NUS1: variants seen among roughly 807,000 people sequenced by gnomAD.
NUS1 encodes NUS1 dehydrodolichyl diphosphate synthase subunit.
For missense variants in NUS1, 292 were observed against 382.9 expected, an observed-to-expected ratio of 0.76 and a Z score of 1.98; for synonymous variants, 135 against 155.2, an observed-to-expected ratio of 0.87 and a Z score of 0.97.
intron 1 of NUS1, among the ~76,000 whole-genome samples, chr6:117,676,481 G>A (rs1015061061): frequency 3.9e-5 from 6 of 152,228 alleles, no homozygotes; most frequent in African/African-American, 1.4e-4. Context: ...GGGAGGCTGA[G>A]GCAGGAGAAT....
In NUS1 at chr6:117,694,084, G is replaced by T; in HGVS notation, c.595G>T (p.Asp199Tyr). The change falls in exon 3 of 5, where the codon GAT (aspartate) becomes TAT (tyrosine). Residue 199 changes from aspartate (D) to tyrosine (Y), a missense_variant. Asp to Tyr is a radical substitution (Grantham distance 160, BLOSUM62 -3). Transcript: ENST00000368494. ...GCTGTCTCCGGAAGATGGAAAAGCA[G>T]ATATTGTAAGAGCTGCTCAGGACTT... The part of the protein sequence containing the change: ...KVLSPEDGKA[D>Y]IVRAAQDFCQ... 1.2e-6 allele frequency: 2 copies of T among 1,612,680 alleles called. No homozygotes were observed. The highest frequency in any genetic ancestry group is 8.5e-7 in the Non-Finnish European group (1 of 1,179,320).
Position 117,688,463 on chromosome 6 carries a change from A to T in NUS1, c.416-4579A>T, listed in dbSNP as rs541162561. Among the ~76,000 whole-genome samples the T allele has an allele frequency of 3.1e-3, 470 of 149,764 alleles. 2 individuals carry two copies. The highest frequency in any genetic ancestry group is 0.011 in the African/African-American group (434 of 40,810). On this transcript the variant is annotated intron_variant, in intron 1 of 4. Transcript: ENST00000368494. ...AAGAAGGAGGACTTTTTTTTTTTTT[A>T]AATTATAAACCACTTTATAGCAATT...
At chr6:117,698,419 G>C (rs1253052814) in intron 3 of NUS1, among the ~76,000 whole-genome samples, 2 of 151,972 alleles carry the variant, frequency 1.3e-5, no homozygotes, top group African/African-American at 2.4e-5. Context: ...GGAAAATCTA[G>C]AAGAAATAGA....
intron 1 of NUS1, among the ~76,000 whole-genome samples, chr6:117,684,892 TAAAA>T (rs1048130094): frequency 6.6e-6 from 1 of 152,092 alleles, no homozygotes; most frequent in African/African-American, 2.4e-5. Flanking sequence ...ATTACACAAG[TAAAA>T]AAAGCAGGAT....
At position 117,703,762 on chromosome 6, in the gene NUS1, A is replaced by C. The variant is rs1773461954; in HGVS notation, c.791+58A>C. The C allele has an allele frequency of 5.9e-5, 67 of 1,142,468 alleles. 4 individuals are homozygous for C. In the South Asian group the frequency reaches 8.2e-4, roughly 14 times the overall value. The allele number at this position is 1,142,468 out of a possible 1,614,324, so 70.8% of individuals were successfully genotyped here. ...GATTCAGCAAGTGTTTCTTGAGTTCAGCACTGTACTAGATCTGGTGGGGAT... is the reference window on the plus strand; with the variant it reads ...GATTCAGCAAGTGTTTCTTGAGTTCCGCACTGTACTAGATCTGGTGGGGAT... On this transcript the variant is annotated intron_variant, in intron 4 of 4. Coordinates refer to ENST00000368494, the MANE Select transcript of NUS1 (RefSeq NM_138459.5).
chr6:117,706,095 C>T (rs1773497172), intron 4 of NUS1, among the ~76,000 whole-genome samples: 1 of 152,114 alleles, frequency 6.6e-6, no homozygotes, highest in African/African-American at 2.4e-5. Flanking sequence ...GGAATTCCCA[C>T]ATTATAAAGC....
At chr6:117,677,103 G>A (rs1432491277) in intron 1 of NUS1, among the ~76,000 whole-genome samples, 1 of 152,168 alleles carries the variant, frequency 6.6e-6, no homozygotes, top group African/African-American at 2.4e-5. Flanking sequence ...GGGAGTTTTT[G>A]TAAGTACAAA....
intron 1 of NUS1, among the ~76,000 whole-genome samples, chr6:117,690,805 C>T (rs1193992179): frequency 1.3e-5 from 2 of 151,894 alleles, no homozygotes; most frequent in Non-Finnish European, 2.9e-5. Flanking sequence ...TCCTGGCTAA[C>T]ACGGTGAAAC....
In NUS1 at chr6:117,691,552, G is replaced by GATAGATATATAT. The variant is rs1258674063; in HGVS notation, c.416-1487_416-1486insGATATATATATA. On this transcript the variant is annotated intron_variant, in intron 1 of 4. Coordinates refer to ENST00000368494, the MANE Select transcript of NUS1 (RefSeq NM_138459.5). ...TATATTCAGCAGGTTCTGTGCCATA[G>GATAGATATATAT]ATATAGATATATATATATATATATA... Among the ~76,000 whole-genome samples, 278 of 37,508 alleles carry GATAGATATATAT rather than the reference G, an allele frequency of 7.4e-3. 1 individual carries two copies. The highest frequency in any genetic ancestry group is 0.018 in the African/African-American group (267 of 14,878). 24.6% of individuals were successfully genotyped at this position (37,508 alleles called of 152,430 possible).
intron 1 of NUS1, among the ~76,000 whole-genome samples, chr6:117,687,689 A>G (rs1773160413): frequency 6.6e-6 from 1 of 152,194 alleles, no homozygotes; most frequent in Non-Finnish European, 1.5e-5. Context: ...ATTTGTGGGG[A>G]TAAAGTATTA....
chr6:117,677,007 G>C (rs1772993801), intron 1 of NUS1, among the ~76,000 whole-genome samples: 1 of 152,198 alleles, frequency 6.6e-6, no homozygotes, highest in South Asian at 2.1e-4. Context: ...GGGATGGTTT[G>C]TGATCCTTCA....
At chr6:117,694,988 A>G (rs1053574562) in intron 3 of NUS1, among the ~76,000 whole-genome samples, 1 of 152,086 alleles carries the variant, frequency 6.6e-6, no homozygotes, top group Non-Finnish European at 1.5e-5. Context: ...TGAGCGCAGG[A>G]GTTTGAGACC....
intron 4 of NUS1, among the ~76,000 whole-genome samples, chr6:117,704,633 A>G (rs1191580414): frequency 1.3e-5 from 2 of 152,196 alleles, no homozygotes; most frequent in African/African-American, 4.8e-5. Flanking sequence ...CTTAAAATAT[A>G]TGTAAATGCT....
chr6:117,698,621 A>G (rs900297896), intron 3 of NUS1, among the ~76,000 whole-genome samples: 5 of 152,136 alleles, frequency 3.3e-5, no homozygotes, highest in African/African-American at 1.2e-4. Flanking sequence ...AATTCTACTC[A>G]AACTATTCTG....
Position 117,707,180 on chromosome 6 carries a change from TG to T in NUS1, c.*166del. On this transcript the variant is annotated 3_prime_UTR_variant, in exon 5 of 5. Transcript: ENST00000368494. ...TCTTACTTGAGAGTGAGTGTGTGTG[TG>T]TGCGTGTGCACGTGCACACATGTGC... is the stretch of plus-strand genomic sequence containing the variant. 1.6e-6 allele frequency: 1 copy of T among 625,446 alleles called. No homozygotes were observed. Among genetic ancestry groups the T allele is most frequent in the Non-Finnish European group, 2.9e-6 (1 of 350,344 alleles). 38.7% of individuals were successfully genotyped at this position (625,446 alleles called of 1,614,324 possible).
intron 1 of NUS1, among the ~76,000 whole-genome samples, chr6:117,691,939 G>T (rs1773228666): frequency 6.6e-6 from 1 of 151,670 alleles, no homozygotes; most frequent in Non-Finnish European, 1.5e-5. Context: ...CTTAATCTTG[G>T]TAAAAAGTGA....
Position 117,685,887 on chromosome 6 carries a change from A to G in NUS1, c.416-7155A>G, listed in dbSNP as rs186290625. ...GGAGTCAGGAGAATCACTTGAACCC[A>G]GGAGGTGGAGGTTGCAGTGAGCCGA... On this transcript the variant is annotated intron_variant, in intron 1 of 4. Transcript: ENST00000368494. 4.0e-5 allele frequency among the ~76,000 whole-genome samples: 6 copies of G among 151,868 alleles called. No homozygotes were observed. The East Asian group carries it at 1.2e-3, about 29-fold the overall frequency.
intron 3 of NUS1, among the ~76,000 whole-genome samples, chr6:117,694,791 A>G (rs1327887858): frequency 6.6e-6 from 1 of 152,154 alleles, no homozygotes; most frequent in African/African-American, 2.4e-5. Context: ...ATCCTTTTGA[A>G]GAAAGACAAT....
chr6:117,689,951 T>C (rs1467496808), intron 1 of NUS1, among the ~76,000 whole-genome samples: 2 of 152,218 alleles, frequency 1.3e-5, no homozygotes, highest in Non-Finnish European at 2.9e-5. Flanking sequence ...GTCTAACTTG[T>C]ATAGATAGTT....
Sources: allele counts gnomAD v4.1 joint callset (sites outside exome capture counted in the v4.1 genomes callset), GRCh38; gene constraint gnomAD v4.1.1; transcripts MANE v1.5; gene names NCBI Gene and HGNC (gene_info 2026-07-23, HGNC 2026-07-21).